KANSL1: variants seen among roughly 807,000 people sequenced by gnomAD.
KANSL1 encodes KAT8 regulatory NSL complex subunit 1.
A neutral mutation model predicts 103.6 loss-of-function variants in KANSL1; 22 were observed. The ratio of observed to expected loss-of-function variants is 0.21; its 90% confidence interval spans 0.15 to 0.30. The LOEUF is 0.30. KANSL1 is among the 10% of genes least tolerant of loss of function. KANSL1 has a pLI of 1.00. For synonymous variants in KANSL1, 600 were observed against 527.6 expected (o/e 1.14, Z -1.88); for missense variants, 1,337 against 1,399.8 (o/e 0.96, Z 0.72).
At chr17:46,117,376 C>T (rs1050807819) in intron 2 of KANSL1, among the ~76,000 whole-genome samples, 1 of 152,220 alleles carries the variant, frequency 6.6e-6, no homozygotes, top group African/African-American at 2.4e-5. Flanking sequence ...TATGGACTCT[C>T]CTTCCAGTAA....
intron 1 of KANSL1, among the ~76,000 whole-genome samples, chr17:46,176,336 T>C (rs1178550139): frequency 6.6e-6 from 1 of 152,254 alleles, no homozygotes; most frequent in African/African-American, 2.4e-5. Context: ...TTCTCAAAGT[T>C]ATTCTGAGAT....
rs2077238889 is a variant in KANSL1, at chr17:46,039,164, T to C, written c.2255A>G (p.Asp752Gly). The C allele has an allele frequency of 1.2e-6, 2 of 1,609,164 alleles. No homozygotes were observed. Among genetic ancestry groups the C allele is most frequent in the East Asian group, 2.2e-5 (1 of 44,728 alleles). ...RPDRTHRQHL[D>G]DVGAVPMVER... ...CACCATGGGCACGGCCCCCACATCG[T>C]CTAAGTGCTGCCTGTGGGTCCTGTC... The change falls in exon 9 of 15, where the codon GAC (aspartate) becomes GGC (glycine). Residue 752 changes from aspartate (D) to glycine (G), a missense_variant. Physicochemically the swap from Asp to Gly is moderately conservative, Grantham distance 94. Transcript: ENST00000432791.
intron 6 of KANSL1, among the ~76,000 whole-genome samples, chr17:46,057,360 C>A (rs1372129865): frequency 6.6e-6 from 1 of 151,604 alleles, no homozygotes; most frequent in Non-Finnish European, 1.5e-5. Context: ...TAAAAAAAAA[C>A]AACAAATCAT....
At chr17:46,041,532 T>C (rs1364752049) in intron 7 of KANSL1, 1 of 152,166 alleles carries the variant, frequency 6.6e-6, no homozygotes, top group Non-Finnish European at 1.5e-5. Flanking sequence ...CCAGAGTCCC[T>C]ATCCACTGCT....
intron 2 of KANSL1, among the ~76,000 whole-genome samples, chr17:46,164,192 GTTCAC>G (rs2045886224): frequency 6.6e-6 from 1 of 152,166 alleles, no homozygotes; most frequent in Non-Finnish European, 1.5e-5. Flanking sequence ...AAAAGAGTAC[GTTCAC>G]TTCAGAGAAC....
chr17:46,128,591 T>G (rs2043690787), intron 2 of KANSL1, among the ~76,000 whole-genome samples: 1 of 152,168 alleles, frequency 6.6e-6, no homozygotes, highest in Non-Finnish European at 1.5e-5. Flanking sequence ...TTAACAGTAG[T>G]AGAGACCTGA....
chr17:46,160,786 A>G (rs2045694220), intron 2 of KANSL1, among the ~76,000 whole-genome samples: 1 of 152,236 alleles, frequency 6.6e-6, no homozygotes. Context: ...GATGGTTGGT[A>G]GACCTCTTTT....
At chr17:46,215,522 G>A (rs2048312704) in intron 1 of KANSL1, among the ~76,000 whole-genome samples, 1 of 152,228 alleles carries the variant, frequency 6.6e-6, no homozygotes, top group African/African-American at 2.4e-5. Context: ...AGGTCACGCA[G>A]CCAAAAGGGC....
rs571513813 is a variant in KANSL1 at position 46,183,747 on chromosome 17, T to C, written c.-90+9076A>G. 2.0e-5 allele frequency among the ~76,000 whole-genome samples: 3 copies of C among 152,252 alleles called. No homozygotes were observed. The East Asian group carries it at 5.8e-4, about 29-fold the overall frequency. On this transcript the variant is annotated intron_variant, in intron 1 of 14. Coordinates refer to ENST00000432791, the MANE Select transcript of KANSL1 (RefSeq NM_015443.4). ...AGGAAGATCACTTGAGGTCAGGAGTTTGAGACCAGCCTGGCCAACACAGCG... is the reference window on the plus strand; with the variant it reads ...AGGAAGATCACTTGAGGTCAGGAGTCTGAGACCAGCCTGGCCAACACAGCG...
chr17:46,109,343 C>CA (rs1165019718), intron 2 of KANSL1, among the ~76,000 whole-genome samples: 3 of 152,168 alleles, frequency 2.0e-5, no homozygotes, highest in Non-Finnish European at 2.9e-5. Flanking sequence ...TGGTAAAATA[C>CA]AAAATTCTCA....
At chr17:46,098,268 T>C (rs1274960737) in intron 2 of KANSL1, among the ~76,000 whole-genome samples, 1 of 151,826 alleles carries the variant, frequency 6.6e-6, no homozygotes, top group Non-Finnish European at 1.5e-5. Context: ...GCAAAATCTT[T>C]TGGATTTATA....
At chr17:46,083,926 T>C (rs2079068439) in intron 3 of KANSL1, among the ~76,000 whole-genome samples, 2 of 151,958 alleles carry the variant, frequency 1.3e-5, no homozygotes, top group Admixed American at 1.3e-4. Context: ...AAAAAACCAA[T>C]ATGAAATACA....
intron 4 of KANSL1, among the ~76,000 whole-genome samples, chr17:46,070,558 A>T (rs1251729697): frequency 6.6e-6 from 1 of 152,218 alleles, no homozygotes; most frequent in African/African-American, 2.4e-5. Context: ...AAGAAAAATC[A>T]AAAGAATTTA....
At chr17:46,101,142 C>G (rs952305368) in intron 2 of KANSL1, among the ~76,000 whole-genome samples, 4 of 152,118 alleles carry the variant, frequency 2.6e-5, no homozygotes, top group African/African-American at 4.8e-5. Flanking sequence ...CCAGAGCGTA[C>G]AATTGCCAGA....
chr17:46,219,782 G>A (rs2696689), intron 1 of KANSL1, among the ~76,000 whole-genome samples: 36,654 of 151,168 alleles, frequency 0.24, 2,171 homozygotes, highest in African/African-American at 0.38. Context: ...GCCCTTTTGC[G>A]TGTGTATCCC....
At chr17:46,212,761 T>C (rs536661671) in intron 1 of KANSL1, among the ~76,000 whole-genome samples, 1 of 152,368 alleles carries the variant, frequency 6.6e-6, no homozygotes, top group African/African-American at 2.4e-5. Context: ...TTTGCCAATA[T>C]ATGTTGCCAA....
chr17:46,148,007 G>A (rs2044827342), intron 2 of KANSL1: 1 of 152,220 alleles, frequency 6.6e-6, no homozygotes, highest in Non-Finnish European at 1.5e-5. Flanking sequence ...TTTCCCAATG[G>A]TAAAACAGAG....
At chr17:46,126,198 T>C (rs2043548759) in intron 2 of KANSL1, among the ~76,000 whole-genome samples, 1 of 152,018 alleles carries the variant, frequency 6.6e-6, no homozygotes, top group African/African-American at 2.4e-5. Flanking sequence ...TCCCAGCACT[T>C]TGGGAGGCCG....
chr17:46,218,809 A>G (rs1166245446), intron 1 of KANSL1, among the ~76,000 whole-genome samples: 1 of 152,216 alleles, frequency 6.6e-6, no homozygotes, highest in Non-Finnish European at 1.5e-5. Flanking sequence ...AGTAATTACA[A>G]TAAGAACAGT....
Sources: allele counts gnomAD v4.1 joint callset (sites outside exome capture counted in the v4.1 genomes callset), GRCh38; gene constraint gnomAD v4.1.1; transcripts MANE v1.5; gene names NCBI Gene and HGNC (gene_info 2026-07-23, HGNC 2026-07-21).